Variants in HPSE2 observed in about 807,000 individuals in gnomAD.
HPSE2 encodes heparanase 2 (inactive).
A neutral mutation model predicts 60.5 loss-of-function variants in HPSE2; 38 were observed. The observed-to-expected ratio is 0.63, with a 90% confidence interval of 0.48 to 0.82. The LOEUF is 0.82. HPSE2 is among the 40% of genes least tolerant of loss of function. The pLI is 0.00. For missense variants in HPSE2, 713 were observed against 740.4 expected, an observed-to-expected ratio of 0.96 and a Z score of 0.43; for synonymous variants, 295 against 293.2, an observed-to-expected ratio of 1.01 and a Z score of -0.06.
intron 2 of HPSE2, among the ~76,000 whole-genome samples, chr10:99,208,697 T>TA (rs201709270): frequency 0.045 from 5,301 of 118,338 alleles, 280 homozygotes; most frequent in African/African-American, 0.12. Context: ...AAAATAAAAA[T>TA]AAAAAAAAAA....
At chr10:99,255,676 A>G in the HPSE2 span, among the ~76,000 whole-genome samples, 1 of 152,184 alleles carries the variant, frequency 6.6e-6, no homozygotes, top group Non-Finnish European at 1.5e-5. Flanking sequence ...ATGAGAATTA[A>G]AGGAAACTTT....
chr10:98,593,358 C>T (rs112497474), intron 9 of HPSE2, among the ~76,000 whole-genome samples: 2 of 151,960 alleles, frequency 1.3e-5, no homozygotes, highest in African/African-American at 4.8e-5. Flanking sequence ...AATAAGATTC[C>T]AAAGGCAGCG....
chr10:99,264,846 C>A, the HPSE2 span, among the ~76,000 whole-genome samples: 1 of 152,086 alleles, frequency 6.6e-6, no homozygotes, highest in African/African-American at 2.4e-5. Flanking sequence ...AGTTTAATCT[C>A]TCCCACTGTA....
At chr10:99,248,937 G>A in the HPSE2 span, among the ~76,000 whole-genome samples, 78,240 of 152,118 alleles carry the variant, frequency 0.51, 23,274 homozygotes, top group East Asian at 0.65. Context: ...TTAAGCCTCC[G>A]GATGCTCAGA....
intron 9 of HPSE2, among the ~76,000 whole-genome samples, chr10:98,550,598 G>C (rs1943833398): frequency 6.6e-6 from 1 of 151,848 alleles, no homozygotes; most frequent in African/African-American, 2.4e-5. Flanking sequence ...CCCCTGAGTA[G>C]CTGGGACTAC....
intron 9 of HPSE2, among the ~76,000 whole-genome samples, chr10:98,523,926 A>G (rs983911486): frequency 1.1e-4 from 17 of 152,244 alleles, no homozygotes; most frequent in Non-Finnish European, 2.1e-4. Context: ...TGTTCTTAAC[A>G]GAAATTGGAC....
chr10:98,832,781 G>A (rs1951712547), intron 3 of HPSE2, among the ~76,000 whole-genome samples: 1 of 152,110 alleles, frequency 6.6e-6, no homozygotes, highest in African/African-American at 2.4e-5. Context: ...TATATTAGGT[G>A]GTAAGAAAAT....
chr10:98,627,574 CTAT>C (rs1458645617), intron 7 of HPSE2, among the ~76,000 whole-genome samples: 1 of 152,174 alleles, frequency 6.6e-6, no homozygotes, highest in Non-Finnish European at 1.5e-5. Context: ...AATTCTGGTT[CTAT>C]TATTTACTTA....
the HPSE2 span, among the ~76,000 whole-genome samples, chr10:99,283,179 C>G: frequency 7.0e-6 from 1 of 141,906 alleles, no homozygotes; most frequent in Non-Finnish European, 1.5e-5. Flanking sequence ...GAGTAAGACT[C>G]CGTCTCAGGT....
intron 9 of HPSE2, among the ~76,000 whole-genome samples, chr10:98,546,254 A>T (rs1191012024): frequency 7.2e-6 from 1 of 138,798 alleles, no homozygotes; most frequent in Non-Finnish European, 1.6e-5. Context: ...ATTCAATGCC[A>T]TCCCCATCAA....
chr10:99,049,404 C>G (rs1438712933), intron 3 of HPSE2, among the ~76,000 whole-genome samples: 2 of 151,864 alleles, frequency 1.3e-5, no homozygotes. Flanking sequence ...AATATAAAAA[C>G]TAAATATTGA....
chr10:99,097,640 C>A (rs982126816), intron 3 of HPSE2, among the ~76,000 whole-genome samples: 2 of 152,090 alleles, frequency 1.3e-5, no homozygotes, highest in African/African-American at 2.4e-5. Flanking sequence ...TTCTTAAACA[C>A]AATATAGTTA....
At chr10:98,621,743 T>C (rs1431182030) in intron 7 of HPSE2, among the ~76,000 whole-genome samples, 3 of 152,192 alleles carry the variant, frequency 2.0e-5, no homozygotes. Context: ...TGCCCCTCTA[T>C]CCCTATTTCA....
intron 9 of HPSE2, among the ~76,000 whole-genome samples, chr10:98,515,136 G>A (rs550917676): frequency 2.0e-5 from 3 of 152,238 alleles, no homozygotes; most frequent in East Asian, 1.9e-4. Flanking sequence ...TGGTCAAGCC[G>A]ACTGAGAGTG....
chr10:99,285,243 C>T, the HPSE2 span, among the ~76,000 whole-genome samples: 1 of 150,880 alleles, frequency 6.6e-6, no homozygotes, highest in Non-Finnish European at 1.5e-5. Flanking sequence ...AGCCTGGCAA[C>T]ATGGTGAGAC....
intron 2 of HPSE2, among the ~76,000 whole-genome samples, chr10:99,161,138 T>C (rs1305396352): frequency 6.6e-6 from 1 of 151,556 alleles, no homozygotes; most frequent in Non-Finnish European, 1.5e-5. Context: ...GGAAGACAGC[T>C]TGAGCCTAGG....
At chr10:98,585,482 G>C (rs1190793858) in intron 9 of HPSE2, among the ~76,000 whole-genome samples, 1 of 151,300 alleles carries the variant, frequency 6.6e-6, no homozygotes, top group African/African-American at 2.4e-5. Context: ...CATTTGGCCA[G>C]GATGGTCTCA....
At chr10:99,158,142 T>C (rs1222201175) in intron 2 of HPSE2, among the ~76,000 whole-genome samples, 2 of 71,760 alleles carry the variant, frequency 2.8e-5, no homozygotes, top group Admixed American at 1.6e-4. Flanking sequence ...GGAACACTTT[T>C]ACACTGTTGG....
At chr10:98,469,192 C>T (rs956069989) in intron 11 of HPSE2, among the ~76,000 whole-genome samples, 6 of 152,114 alleles carry the variant, frequency 3.9e-5, no homozygotes, top group Non-Finnish European at 4.4e-5. Context: ...ACTTGGCAGA[C>T]AAGATGAGAG....
Sources: gnomAD v4.1 joint callset for allele counts (sites outside exome capture counted in the v4.1 genomes callset) on GRCh38, gnomAD v4.1.1 for gene constraint, MANE v1.5 for transcripts, NCBI Gene and HGNC (gene_info 2026-07-23, HGNC 2026-07-21) for gene names.